Variants in IL1RAPL2 observed in about 807,000 individuals in gnomAD.
The protein encoded by IL1RAPL2 is X-linked interleukin-1 receptor accessory protein-like 2.
IL1RAPL2 carries 3 observed loss-of-function variants against 44.1 expected under a neutral mutation model. The ratio of observed to expected loss-of-function variants is 0.07; its 90% confidence interval spans 0.03 to 0.18. The LOEUF (loss-of-function observed/expected upper bound fraction) is 0.18. IL1RAPL2 is among the 10% of genes least tolerant of loss of function. The probability of loss-of-function intolerance (pLI) is 1.00; values close to 1 mark genes in which losing one functional copy is unlikely to be tolerated. For missense variants in IL1RAPL2, 391 were observed against 496.4 expected, an observed-to-expected ratio of 0.79 and a Z score of 2.02; for synonymous variants, 181 against 178.8, an observed-to-expected ratio of 1.01 and a Z score of -0.10.
At chrX:104,727,497 A>C (rs1469268027) in intron 2 of IL1RAPL2, among the ~76,000 whole-genome samples, 1 of 111,855 alleles carries the variant, frequency 8.9e-6, no homozygotes, top group Non-Finnish European at 1.9e-5. Context: ...AATGTAAATT[A>C]ATACAACCTT....
At chrX:105,224,113 G>A (rs1438480604) in intron 3 of IL1RAPL2, among the ~76,000 whole-genome samples, 3 of 110,175 alleles carry the variant, frequency 2.7e-5, no homozygotes, top group Non-Finnish European at 5.7e-5. Context: ...GAATAAGCAG[G>A]ACAAAAAAAC....
chrX:105,713,629 C>T (rs180673192), intron 6 of IL1RAPL2, among the ~76,000 whole-genome samples: 1 of 111,149 alleles, frequency 9.0e-6, no homozygotes, highest in East Asian at 2.9e-4. Flanking sequence ...ATATCAGAGC[C>T]CATGGAGGAT....
chrX:105,087,064 G>A (rs2032489018), intron 2 of IL1RAPL2, among the ~76,000 whole-genome samples: 1 of 111,063 alleles, frequency 9.0e-6, no homozygotes, highest in Non-Finnish European at 1.9e-5. Context: ...GCATTAGAGT[G>A]TGGATTCAAA....
chrX:105,337,386 G>T (rs374535870), intron 5 of IL1RAPL2, among the ~76,000 whole-genome samples: 385 of 112,547 alleles, frequency 3.4e-3, no homozygotes, highest in African/African-American at 0.012. Flanking sequence ...ATAATTCACA[G>T]AGGAAAAGGC....
chrX:105,357,539 A>T (rs1164076999), intron 5 of IL1RAPL2, among the ~76,000 whole-genome samples: 1 of 110,856 alleles, frequency 9.0e-6, no homozygotes, highest in African/African-American at 3.3e-5. Flanking sequence ...TAGACATGGG[A>T]TATCTTTTTA....
At chrX:104,686,985 T>C (rs1054665323) in intron 2 of IL1RAPL2, among the ~76,000 whole-genome samples, 2 of 112,245 alleles carry the variant, frequency 1.8e-5, no homozygotes, top group South Asian at 7.3e-4. Flanking sequence ...CCTTCAGTGC[T>C]TGCAACAACC....
chrX:105,192,360 G>C (rs1171389861), intron 2 of IL1RAPL2, among the ~76,000 whole-genome samples: 7 of 111,149 alleles, frequency 6.3e-5, no homozygotes, highest in African/African-American at 2.3e-4. Context: ...CCCTCTTAAC[G>C]TCAGTGTTCA....
intron 10 of IL1RAPL2, among the ~76,000 whole-genome samples, chrX:105,765,521 G>A (rs906800316): frequency 4.5e-5 from 5 of 112,020 alleles, no homozygotes; most frequent in African/African-American, 9.7e-5. Flanking sequence ...GCCTTATCCC[G>A]ACAGATACAG....
At chrX:105,271,195 T>G (rs1297444822) in intron 5 of IL1RAPL2, among the ~76,000 whole-genome samples, 1 of 112,335 alleles carries the variant, frequency 8.9e-6, no homozygotes, top group Non-Finnish European at 1.9e-5. Flanking sequence ...AAACAGGATT[T>G]GATTTAAATG....
chrX:104,669,555 G>C (rs1385421759), intron 2 of IL1RAPL2, among the ~76,000 whole-genome samples: 1 of 111,454 alleles, frequency 9.0e-6, no homozygotes, highest in East Asian at 2.8e-4. Context: ...CTGCATATTG[G>C]AACCACCCAG....
intron 2 of IL1RAPL2, among the ~76,000 whole-genome samples, chrX:105,184,640 T>C (rs1305903221): frequency 9.1e-6 from 1 of 110,248 alleles, no homozygotes; most frequent in Non-Finnish European, 1.9e-5. Flanking sequence ...TATAGTATTA[T>C]TACTGTATAC....
intron 10 of IL1RAPL2, among the ~76,000 whole-genome samples, chrX:105,766,427 T>G (rs2038730088): frequency 8.9e-6 from 1 of 111,816 alleles, no homozygotes; most frequent in African/African-American, 3.3e-5. Flanking sequence ...TATATCACAG[T>G]TATCTCTCAA....
chrX:105,048,379 A>C (rs1292697230), intron 2 of IL1RAPL2, among the ~76,000 whole-genome samples: 2 of 112,255 alleles, frequency 1.8e-5, no homozygotes, highest in Non-Finnish European at 3.8e-5. Context: ...GTCCAACAGA[A>C]ATATAATGTG....
chrX:105,307,120 A>G (rs1432638934), intron 5 of IL1RAPL2, among the ~76,000 whole-genome samples: 1 of 108,618 alleles, frequency 9.2e-6, no homozygotes, highest in African/African-American at 3.4e-5. Context: ...TTCATTCACT[A>G]TCACAAGAAC....
intron 1 of IL1RAPL2, among the ~76,000 whole-genome samples, chrX:104,649,664 T>G (rs1057136882): frequency 2.7e-5 from 3 of 111,691 alleles, no homozygotes; most frequent in African/African-American, 9.7e-5. Context: ...CAAAATTTTC[T>G]TTGATTGCAA....
chrX:105,155,953 C>G (rs2033265488), intron 2 of IL1RAPL2, among the ~76,000 whole-genome samples: 2 of 111,392 alleles, frequency 1.8e-5, no homozygotes, highest in South Asian at 7.7e-4. Context: ...GCCACTTTGA[C>G]TGTAATAGAT....
chrX:105,595,602 GTTGTTTGT>G (rs749720909), intron 6 of IL1RAPL2, among the ~76,000 whole-genome samples: 24 of 109,532 alleles, frequency 2.2e-4, no homozygotes, highest in Admixed American at 1.7e-3. Context: ...TTTTGTTGTT[GTTGTTTGT>G]TTGTTTGTTT....
In IL1RAPL2 at chrX:105,058,204, G is replaced by C. The variant is rs1194213991; in HGVS notation, c.83-137271G>C. 2.7e-5 allele frequency among the ~76,000 whole-genome samples: 3 copies of C among 110,412 alleles called. No individual in the cohort carries two copies. In the East Asian group the frequency reaches 8.5e-4, roughly 31 times the overall value. On this transcript the variant is annotated intron_variant, in intron 2 of 10. Coordinates refer to ENST00000372582, the MANE Select transcript of IL1RAPL2 (RefSeq NM_017416.2). ...CTGACCTCGTGATCTGCCTGCCTCA[G>C]CCTTCTAAAGCGCTGGGATTACAGG...
At chrX:105,360,639 A>G (rs1260929204) in intron 5 of IL1RAPL2, among the ~76,000 whole-genome samples, 1 of 110,776 alleles carries the variant, frequency 9.0e-6, no homozygotes, top group African/African-American at 3.3e-5. Context: ...GACCTGTGGG[A>G]AGAAAAGTAA....
Sources: allele counts gnomAD v4.1 joint callset (sites outside exome capture counted in the v4.1 genomes callset), GRCh38; gene constraint gnomAD v4.1.1; transcripts MANE v1.5; gene names NCBI Gene and HGNC (gene_info 2026-07-23, HGNC 2026-07-21).